Variants in QKI observed in about 807,000 individuals in gnomAD.
QKI encodes the protein QKI, KH domain containing RNA binding.
Under a neutral mutation model 39.0 loss-of-function variants are expected in QKI, and 10 were observed. The observed-to-expected ratio is 0.26, with a 90% CI of 0.16 to 0.43. QKI has a LOEUF of 0.43. Among genes scored for constraint, QKI ranks in the 20% least tolerant of loss-of-function variants. QKI has a pLI of 1.00. For synonymous variants in QKI, 204 were observed against 155.4 expected (o/e 1.31, Z -2.33); for missense variants, 218 against 428.0 (o/e 0.51, Z 4.33).
At chr6:163,426,510 T>G (rs1434311700) in intron 1 of QKI, among the ~76,000 whole-genome samples, 2 of 152,240 alleles carry the variant, frequency 1.3e-5, no homozygotes, top group Non-Finnish European at 1.5e-5. Flanking sequence ...TAGTTTTTTT[T>G]GTTTTGTTTT....
intron 2 of QKI, among the ~76,000 whole-genome samples, chr6:163,478,426 G>A (rs1792793752): frequency 6.6e-6 from 1 of 152,194 alleles, no homozygotes; most frequent in Non-Finnish European, 1.5e-5. Context: ...GAGACAGTTG[G>A]ACATTTTGTG....
intron 1 of QKI, among the ~76,000 whole-genome samples, chr6:163,431,938 G>C (rs1788868665): frequency 6.6e-6 from 1 of 151,922 alleles, no homozygotes; most frequent in Admixed American, 6.6e-5. Flanking sequence ...CCTTTACAAA[G>C]GATATGAATA....
chr6:163,549,971 A>G (rs1238339838), intron 4 of QKI, among the ~76,000 whole-genome samples: 2 of 152,208 alleles, frequency 1.3e-5, no homozygotes, highest in Admixed American at 1.3e-4. Flanking sequence ...TCAGAGTTAA[A>G]CTATGCAATC....
intron 3 of QKI, among the ~76,000 whole-genome samples, chr6:163,485,748 A>G (rs1342356654): frequency 6.6e-6 from 1 of 152,170 alleles, no homozygotes; most frequent in Non-Finnish European, 1.5e-5. Flanking sequence ...AGACTTAGCA[A>G]TTCCAGTTCA....
chr6:163,538,853 TAACTTC>T (rs1386395442), intron 4 of QKI, among the ~76,000 whole-genome samples: 4 of 152,186 alleles, frequency 2.6e-5, no homozygotes, highest in African/African-American at 9.6e-5. Flanking sequence ...TGATATGTGA[TAACTTC>T]AAGCAATTGG....
At chr6:163,545,432 A>G (rs545352006) in intron 4 of QKI, among the ~76,000 whole-genome samples, 1 of 152,214 alleles carries the variant, frequency 6.6e-6, no homozygotes, top group South Asian at 2.1e-4. Flanking sequence ...AGGTTTTAAG[A>G]CTTCCCTCAA....
At chr6:163,564,203 A>G (rs1269866182) in intron 6 of QKI, 3 of 1,023,742 alleles carry the variant, frequency 2.9e-6, no homozygotes, top group Non-Finnish European at 3.5e-6. Context: ...ATCACTTAAA[A>G]TATCAGATAA....
At chr6:163,505,008 C>G (rs750626244) in intron 3 of QKI, among the ~76,000 whole-genome samples, 3 of 152,198 alleles carry the variant, frequency 2.0e-5, no homozygotes, top group African/African-American at 7.2e-5. Flanking sequence ...GGGTGTCCGG[C>G]ATTCCAGCAG....
rs761060788 is a variant in QKI at position 163,566,816 on chromosome 6, C to A, written c.1009+21C>A. 6.8e-6 allele frequency: 11 copies of A among 1,612,158 alleles called. No homozygotes were observed. The African/African-American group carries it at 1.3e-4, about 20-fold the overall frequency. ...CCGAGGTTAGTTTAGTTCTGCAGTTCTTGTCTATAAGAAATGCGTTGGGTG... is the reference window on the plus strand; with the variant it reads ...CCGAGGTTAGTTTAGTTCTGCAGTTATTGTCTATAAGAAATGCGTTGGGTG... On this transcript the variant is annotated intron_variant, in intron 7 of 7. Coordinates refer to ENST00000361752, the MANE Select transcript of QKI (RefSeq NM_006775.3).
At chr6:163,512,678 A>C (rs1779557088) in intron 3 of QKI, among the ~76,000 whole-genome samples, 1 of 152,152 alleles carries the variant, frequency 6.6e-6, no homozygotes, top group South Asian at 2.1e-4. Flanking sequence ...ATTGCATCCA[A>C]CAATGACACT....
intron 3 of QKI, among the ~76,000 whole-genome samples, chr6:163,504,152 T>C (rs914894581): frequency 6.6e-6 from 1 of 152,174 alleles, no homozygotes; most frequent in Non-Finnish European, 1.5e-5. Context: ...TCCCCATTGC[T>C]TATTTCTGTC....
intron 3 of QKI, among the ~76,000 whole-genome samples, chr6:163,510,241 T>G (rs904714327): frequency 7.0e-6 from 1 of 142,046 alleles, no homozygotes; most frequent in Non-Finnish European, 1.5e-5. Flanking sequence ...ATAATAATAA[T>G]AATAATAATA....
At chr6:163,428,589 T>TA (rs776523838) in intron 1 of QKI, among the ~76,000 whole-genome samples, 1 of 152,194 alleles carries the variant, frequency 6.6e-6, no homozygotes, top group Non-Finnish European at 1.5e-5. Context: ...CATTACGACA[T>TA]ACTGTTAGCT....
At chr6:163,566,954 G>A (rs1211356340) in intron 7 of QKI, 159 bp downstream of exon 7, 1 of 1,380,702 alleles carries the variant, frequency 7.2e-7, no homozygotes, top group Non-Finnish European at 9.3e-7. Flanking sequence ...TAAGGGTTGG[G>A]TTTTTTGTTT....
chr6:163,487,277 T>C (rs1168382915), intron 3 of QKI, among the ~76,000 whole-genome samples: 1 of 152,120 alleles, frequency 6.6e-6, no homozygotes, highest in Non-Finnish European at 1.5e-5. Context: ...GGGTCAGCAT[T>C]GCCTCTCTCC....
intron 4 of QKI, among the ~76,000 whole-genome samples, chr6:163,547,731 C>T (rs373916706): frequency 5.3e-5 from 8 of 152,280 alleles, no homozygotes; most frequent in African/African-American, 1.9e-4. Flanking sequence ...TCTATATCAT[C>T]ACCAAGTTCT....
At chr6:163,559,351 T>C (rs1435620321) in intron 4 of QKI, among the ~76,000 whole-genome samples, 1 of 152,204 alleles carries the variant, frequency 6.6e-6, no homozygotes, top group Non-Finnish European at 1.5e-5. Flanking sequence ...TAATTTATAA[T>C]ACTTTTGGTA....
At chr6:163,529,119 T>C (rs1780689459) in intron 3 of QKI, among the ~76,000 whole-genome samples, 1 of 152,076 alleles carries the variant, frequency 6.6e-6, no homozygotes, top group East Asian at 1.9e-4. Flanking sequence ...TCTGGGAGAA[T>C]TGACTAGAAG....
chr6:163,556,440 T>C (rs1364205196), intron 4 of QKI, among the ~76,000 whole-genome samples: 1 of 145,986 alleles, frequency 6.8e-6, no homozygotes, highest in Non-Finnish European at 1.5e-5. Context: ...GGAGGCGAAG[T>C]TGCAGTGAGC....
Sources: gnomAD v4.1 joint callset for allele counts (sites outside exome capture counted in the v4.1 genomes callset) on GRCh38, gnomAD v4.1.1 for gene constraint, MANE v1.5 for transcripts, NCBI Gene and HGNC (gene_info 2026-07-23, HGNC 2026-07-21) for gene names.